IGF1R: variants seen among roughly 807,000 people sequenced by gnomAD.
IGF1R encodes the protein insulin like growth factor 1 receptor.
In IGF1R, 44 loss-of-function variants were observed where a neutral mutation model predicts 144.6. That is an observed-to-expected ratio of 0.30 (90% CI 0.24 to 0.39). The LOEUF (loss-of-function observed/expected upper bound fraction) is 0.39. Ranked by LOEUF, IGF1R falls within the 10% of genes least tolerant of loss-of-function variation. IGF1R has a pLI of 1.00. For synonymous variants in IGF1R, 795 were observed against 722.8 expected (o/e 1.10, Z -1.60); for missense variants, 1,355 against 1,833.7 (o/e 0.74, Z 4.77).
intron 2 of IGF1R, among the ~76,000 whole-genome samples, chr15:98,712,348 C>T (rs2054012419): frequency 6.6e-6 from 1 of 152,188 alleles, no homozygotes; most frequent in Admixed American, 6.5e-5. Context: ...TCCCTGTTTC[C>T]TCACTTTTGC....
chr15:98,671,374 GC>G (rs2141196555), intron 1 of IGF1R, among the ~76,000 whole-genome samples: 1 of 152,288 alleles, frequency 6.6e-6, no homozygotes, highest in South Asian at 2.1e-4. Context: ...GAAGCCTGGG[GC>G]AGGCTCTGTC....
At chr15:98,899,033 C>A (rs1247463568) in intron 4 of IGF1R, among the ~76,000 whole-genome samples, 2 of 152,090 alleles carry the variant, frequency 1.3e-5, no homozygotes, top group Non-Finnish European at 2.9e-5. Flanking sequence ...AAATATAGAT[C>A]CCTGTATCTT....
chr15:98,663,403 C>T (rs748208404), intron 1 of IGF1R, among the ~76,000 whole-genome samples: 5 of 152,148 alleles, frequency 3.3e-5, no homozygotes, highest in African/African-American at 9.7e-5. Context: ...CAAAGTTCTC[C>T]GGAAACTGCA....
intron 2 of IGF1R, among the ~76,000 whole-genome samples, chr15:98,761,050 G>A (rs760066893): frequency 2.0e-5 from 3 of 152,188 alleles, no homozygotes; most frequent in Admixed American, 6.5e-5. Context: ...TGGTAGAGTC[G>A]GGGCCTAAAC....
chr15:98,933,217 G>A lies in IGF1R; in HGVS notation c.2957-1607G>A, dbSNP rs115869091. ...TATGGAACAGGTTGATTTTATTTTC[G>A]TTTTTACCCTACCCATTTGGAGGTG... On this transcript the variant is annotated intron_variant, in intron 15 of 20. Coordinates refer to ENST00000650285, the MANE Select transcript of IGF1R (RefSeq NM_000875.5). Among the ~76,000 whole-genome samples, 707 of 152,256 alleles carry A rather than the reference G, an allele frequency of 4.6e-3. 3 individuals are homozygous for A. Among genetic ancestry groups the A allele is most frequent in the African/African-American group, 0.015 (622 of 41,540 alleles).
chr15:98,726,712 A>ATTTTTTTTTTTTTTT, intron 2 of IGF1R, among the ~76,000 whole-genome samples: 1 of 93,108 alleles, frequency 1.1e-5, no homozygotes, highest in Non-Finnish European at 2.1e-5. Context: ...TACATTGATG[A>ATTTTTTTTTTTTTTT]TTTTTTTTTT....
chr15:98,772,510 A>ATTGTTATTG (rs3076034), intron 2 of IGF1R, among the ~76,000 whole-genome samples: 54 of 141,946 alleles, frequency 3.8e-4, no homozygotes, highest in Non-Finnish European at 6.7e-4. Flanking sequence ...TATTATTATT[A>ATTGTTATTG]TTATTTTAAG....
At chr15:98,803,267 T>C (rs2056399593) in intron 2 of IGF1R, among the ~76,000 whole-genome samples, 1 of 152,200 alleles carries the variant, frequency 6.6e-6, no homozygotes, top group East Asian at 1.9e-4. Context: ...TTCTGAACGC[T>C]GTAGGCAATG....
At chr15:98,691,374 T>G (rs968884745) in intron 1 of IGF1R, among the ~76,000 whole-genome samples, 2 of 151,122 alleles carry the variant, frequency 1.3e-5, no homozygotes, top group Non-Finnish European at 1.5e-5. Context: ...TTTGTTTTTT[T>G]TTTTTTTTGA....
At chr15:98,727,248 T>TA (rs1370665391) in intron 2 of IGF1R, among the ~76,000 whole-genome samples, 7 of 152,136 alleles carry the variant, frequency 4.6e-5, no homozygotes, top group Non-Finnish European at 8.8e-5. Flanking sequence ...TTTTGCAAAA[T>TA]AAAAATAACA....
intron 13 of IGF1R, among the ~76,000 whole-genome samples, chr15:98,928,075 C>T (rs1232271479): frequency 6.6e-6 from 1 of 152,186 alleles, no homozygotes; most frequent in Admixed American, 6.5e-5. Flanking sequence ...GTTCAGCCAC[C>T]CCTTTTTCAT....
At chr15:98,851,497 C>T (rs2011526775) in intron 2 of IGF1R, among the ~76,000 whole-genome samples, 1 of 152,206 alleles carries the variant, frequency 6.6e-6, no homozygotes, top group South Asian at 2.1e-4. Flanking sequence ...GTGGCCTTCT[C>T]CTACCTTCCC....
intron 19 of IGF1R, among the ~76,000 whole-genome samples, chr15:98,947,077 C>T (rs918616957): frequency 6.6e-5 from 10 of 152,188 alleles, no homozygotes; most frequent in Non-Finnish European, 1.0e-4. Flanking sequence ...CAGAGCTTCC[C>T]GCACAAAGCT....
rs1405831293 is a variant in IGF1R, at chr15:98,654,475, T to C, written c.94+4800T>C. Among the ~76,000 whole-genome samples the C allele has an allele frequency of 2.0e-5, 3 of 152,348 alleles. No homozygotes were observed. The East Asian group carries it at 5.8e-4, about 29-fold the overall frequency. ...CTAGAAATCAGGAAGCATTCATAAT[T>C]TCAGGGCATTTTATAATTTGTAAAT... On this transcript the variant is annotated intron_variant, in intron 1 of 20. Transcript: ENST00000650285.
chr15:98,731,323 A>G (rs566331843), intron 2 of IGF1R, among the ~76,000 whole-genome samples: 5 of 152,196 alleles, frequency 3.3e-5, no homozygotes, highest in Non-Finnish European at 7.4e-5. Context: ...TTAGGGGCTC[A>G]CTGCTTGGCT....
intron 2 of IGF1R, among the ~76,000 whole-genome samples, chr15:98,743,882 G>A (rs1567106505): frequency 1.3e-5 from 2 of 152,146 alleles, no homozygotes; most frequent in Non-Finnish European, 2.9e-5. Flanking sequence ...GGCCAGGCCT[G>A]TGTTGGGGGT....
At chr15:98,947,974 A>G (rs887650927) in intron 19 of IGF1R, among the ~76,000 whole-genome samples, 1 of 152,130 alleles carries the variant, frequency 6.6e-6, no homozygotes, top group African/African-American at 2.4e-5. Flanking sequence ...CCCCAGACCA[A>G]TCAAATCAGA....
chr15:98,653,998 C>T (rs1038647713), intron 1 of IGF1R, among the ~76,000 whole-genome samples: 2 of 152,238 alleles, frequency 1.3e-5, no homozygotes, highest in African/African-American at 4.8e-5. Context: ...CTACTCAGTG[C>T]ATGAACCTGC....
Position 98,883,064 on chromosome 15 carries a change from C to T in IGF1R, c.641-8261C>T, listed in dbSNP as rs569857537. On this transcript the variant is annotated intron_variant, in intron 2 of 20. Transcript: ENST00000650285. Reference sequence around the variant, plus strand: ...CTTCCATTCTGACCATAAAGTGTTTCTTCTGGGTCTAACTACTATAGTGGG... The same window carrying T: ...CTTCCATTCTGACCATAAAGTGTTTTTTCTGGGTCTAACTACTATAGTGGG... Among the ~76,000 whole-genome samples the T allele has an allele frequency of 3.3e-5, 5 of 152,340 alleles. No homozygotes were observed. In the East Asian group the frequency reaches 7.7e-4, roughly 24 times the overall value.
Sources: gnomAD v4.1 joint callset for allele counts (sites outside exome capture counted in the v4.1 genomes callset) on GRCh38, gnomAD v4.1.1 for gene constraint, MANE v1.5 for transcripts, NCBI Gene and HGNC (gene_info 2026-07-23, HGNC 2026-07-21) for gene names.